DLG2: variants seen among roughly 807,000 people sequenced by gnomAD.
DLG2 encodes discs large MAGUK scaffold protein 2.
In DLG2, 45 loss-of-function variants were observed where a neutral mutation model predicts 132.5. The observed-to-expected ratio is 0.34, with a 90% CI of 0.27 to 0.44. The LOEUF (loss-of-function observed/expected upper bound fraction) is 0.44. DLG2 is among the 20% of genes least tolerant of loss of function. The probability of loss-of-function intolerance (pLI) is 1.00; values close to 1 mark genes in which losing one functional copy is unlikely to be tolerated. For missense variants in DLG2, 1,045 were observed against 1,196.9 expected, an observed-to-expected ratio of 0.87 and a Z score of 1.87; for synonymous variants, 424 against 419.6, an observed-to-expected ratio of 1.01 and a Z score of -0.13.
chr11:83,710,595 A>T lies in DLG2; in HGVS notation c.1825+76095T>A, dbSNP rs1347499223. Among the ~76,000 whole-genome samples, 3 of 152,208 alleles carry T rather than the reference A, an allele frequency of 2.0e-5. No homozygotes were observed. The East Asian group carries it at 5.8e-4, about 29-fold the overall frequency. On this transcript the variant is annotated intron_variant, in intron 18 of 27. Coordinates refer to ENST00000376104, the MANE Select transcript of DLG2 (RefSeq NM_001142699.3). ...GAATGACAGAAGAGGATAATCAGAG[A>T]CTAATTAACAACAATATATAGTTCA... is the stretch of plus-strand genomic sequence containing the variant.
intron 21 of DLG2, among the ~76,000 whole-genome samples, chr11:83,515,001 GTC>G (rs2095237289): frequency 6.6e-6 from 1 of 152,004 alleles, no homozygotes; most frequent in African/African-American, 2.4e-5. Flanking sequence ...TTTTTGTTGT[GTC>G]TCTGCCCAGC....
At chr11:85,021,367 C>T (rs2060049648) in intron 6 of DLG2, 4 of 1,329,926 alleles carry the variant, frequency 3.0e-6, no homozygotes, top group Admixed American at 3.4e-5. Context: ...TCGTTTCACA[C>T]CTGCTTTTCC....
chr11:84,635,552 A>T (rs1407445367), intron 6 of DLG2, among the ~76,000 whole-genome samples: 2 of 152,162 alleles, frequency 1.3e-5, no homozygotes, highest in East Asian at 3.8e-4. Flanking sequence ...ATTATTATTT[A>T]ATACTTGTAT....
chr11:84,439,358 C>A (rs573554639), intron 7 of DLG2, among the ~76,000 whole-genome samples: 2 of 152,064 alleles, frequency 1.3e-5, no homozygotes, highest in African/African-American at 4.8e-5. Context: ...GAGTGCTCAC[C>A]GGATACATAG....
At chr11:83,766,350 C>T (rs2094144339) in intron 18 of DLG2, among the ~76,000 whole-genome samples, 1 of 151,666 alleles carries the variant, frequency 6.6e-6, no homozygotes, top group Non-Finnish European at 1.5e-5. Context: ...ATCTCAGCCT[C>T]CCAAAGTGCT....
chr11:84,025,697 C>T (rs2154082514), intron 11 of DLG2, among the ~76,000 whole-genome samples: 1 of 152,190 alleles, frequency 6.6e-6, no homozygotes, highest in Non-Finnish European at 1.5e-5. Flanking sequence ...TAACAAACAC[C>T]ATATTTTATT....
At chr11:83,952,343 C>T (rs74356437) in intron 14 of DLG2, among the ~76,000 whole-genome samples, 15,306 of 151,454 alleles carry the variant, frequency 0.1, 848 homozygotes, top group Non-Finnish European at 0.12. Flanking sequence ...TGAGACCCTG[C>T]CTCAAAAAAA....
intron 3 of DLG2, among the ~76,000 whole-genome samples, chr11:85,585,174 T>C (rs2078886415): frequency 6.6e-6 from 1 of 152,196 alleles, no homozygotes; most frequent in Non-Finnish European, 1.5e-5. Context: ...GAGTGGATTT[T>C]TATATACGAT....
chr11:84,401,642 C>A (rs1189190074), intron 7 of DLG2, among the ~76,000 whole-genome samples: 1 of 152,084 alleles, frequency 6.6e-6, no homozygotes, highest in Admixed American at 6.6e-5. Flanking sequence ...TACACTGGAC[C>A]CAGCAAAAGA....
At chr11:84,775,370 G>A (rs2070263126) in intron 6 of DLG2, among the ~76,000 whole-genome samples, 3 of 152,224 alleles carry the variant, frequency 2.0e-5, no homozygotes, top group South Asian at 2.1e-4. Context: ...GTTAGGAGAT[G>A]TCTGAAAGAA....
intron 16 of DLG2, among the ~76,000 whole-genome samples, chr11:83,847,846 C>T (rs1262063556): frequency 6.6e-6 from 1 of 152,200 alleles, no homozygotes; most frequent in Non-Finnish European, 1.5e-5. Flanking sequence ...TAGGTCCTCT[C>T]CAACTTGGCC....
chr11:84,768,922 C>A (rs116610626), intron 6 of DLG2, among the ~76,000 whole-genome samples: 5 of 151,734 alleles, frequency 3.3e-5, no homozygotes, highest in African/African-American at 1.2e-4. Context: ...TAATGATGTT[C>A]CAATAAGAAA....
chr11:84,781,221 A>G (rs1318485798), intron 6 of DLG2, among the ~76,000 whole-genome samples: 1 of 152,124 alleles, frequency 6.6e-6, no homozygotes, highest in South Asian at 2.1e-4. Context: ...TTTGTAGAAA[A>G]CATTCAGAAA....
At chr11:84,805,225 C>T (rs370243540) in intron 6 of DLG2, among the ~76,000 whole-genome samples, 1 of 152,046 alleles carries the variant, frequency 6.6e-6, no homozygotes, top group Non-Finnish European at 1.5e-5. Context: ...AGGAGCCATG[C>T]CCCCTTGAGT....
At chr11:83,830,162 T>C (rs2054070284) in intron 17 of DLG2, among the ~76,000 whole-genome samples, 1 of 152,216 alleles carries the variant, frequency 6.6e-6, no homozygotes, top group Non-Finnish European at 1.5e-5. Flanking sequence ...TCATCTGTAT[T>C]TGCAAATGTT....
chr11:85,365,219 TAG>T (rs1246951711), intron 3 of DLG2, among the ~76,000 whole-genome samples: 1 of 152,164 alleles, frequency 6.6e-6, no homozygotes. Flanking sequence ...CTATCCTAAA[TAG>T]CATCCTTCTT....
chr11:84,170,328 T>C (rs1010377542), intron 8 of DLG2, among the ~76,000 whole-genome samples: 1 of 152,202 alleles, frequency 6.6e-6, no homozygotes, highest in African/African-American at 2.4e-5. Flanking sequence ...ATCAATTAAA[T>C]ACATTAATAC....
At position 85,427,368 on chromosome 11, in the gene DLG2, G is replaced by A. The variant is rs559124504; in HGVS notation, c.41-142003C>T. On this transcript the variant is annotated intron_variant, in intron 3 of 27. Transcript: ENST00000376104. The stretch of plus-strand genomic sequence containing the variant: ...AATGAAGGAAAAAATGTTAAGGGCA[G>A]CCAGAGAGAAAGGTCAGGTTACCCA... Among the ~76,000 whole-genome samples the A allele has an allele frequency of 1.2e-4, 19 of 152,320 alleles. No homozygotes were observed. In the South Asian group the frequency reaches 3.9e-3, roughly 32 times the overall value.
intron 14 of DLG2, among the ~76,000 whole-genome samples, chr11:83,934,181 T>G (rs2080961587): frequency 6.6e-6 from 1 of 152,230 alleles, no homozygotes; most frequent in African/African-American, 2.4e-5. Flanking sequence ...AGATCTGATC[T>G]CATGTTTGCA....
Sources: gnomAD v4.1 joint callset for allele counts (sites outside exome capture counted in the v4.1 genomes callset) on GRCh38, gnomAD v4.1.1 for gene constraint, MANE v1.5 for transcripts, NCBI Gene and HGNC (gene_info 2026-07-23, HGNC 2026-07-21) for gene names.